CHAT: variants seen among roughly 807,000 people sequenced by gnomAD.
CHAT encodes the protein choline O-acetyltransferase, also known as acetyl CoA:choline O-acetyltransferase.
In CHAT, 61 loss-of-function variants were observed where a neutral mutation model predicts 76.9. The observed-to-expected ratio is 0.79, with a 90% confidence interval of 0.65 to 0.98. The LOEUF (loss-of-function observed/expected upper bound fraction) is 0.98. Among genes scored for constraint, CHAT ranks in the 50% least tolerant of loss-of-function variants. CHAT has a pLI of 0.00. For missense variants in CHAT, 946 were observed against 986.9 expected, an observed-to-expected ratio of 0.96 and a Z score of 0.56; for synonymous variants, 407 against 397.4, an observed-to-expected ratio of 1.02 and a Z score of -0.29.
At chr10:49,621,961 G>C (rs7091435) in intron 4 of CHAT, 136 bp from the exon 5 acceptor site, 99 of 95,264 alleles carry the variant, frequency 1.0e-3, no homozygotes, top group East Asian at 1.2e-3. Flanking sequence ...ATGAGGGAGG[G>C]AGGAGGGAGG....
At chr10:49,622,036 G>GTGA in intron 4 of CHAT, 61 bp from the exon 5 acceptor site, 1 of 1,570,980 alleles carries the variant, frequency 6.4e-7, no homozygotes, top group Non-Finnish European at 8.8e-7. Context: ...GCAGAAGGGA[G>GTGA]GGAGGGAGGG....
upstream of CHAT, among the ~76,000 whole-genome samples, chr10:49,613,592 C>T (rs1272716124): frequency 6.6e-6 from 1 of 152,188 alleles, no homozygotes; most frequent in Non-Finnish European, 1.5e-5. Context: ...CATGTCTGTC[C>T]TCGATCTGCG....
At chr10:49,625,759 C>T in intron 6 of CHAT, 106 bp downstream of exon 6, 4 of 1,217,682 alleles carry the variant, frequency 3.3e-6, no homozygotes, top group Non-Finnish European at 4.7e-6. Context: ...CCCTGAGTCA[C>T]ACAGGGAGCT....
At position 49,621,965 on chromosome 10, in the gene CHAT, AG is replaced by A. The variant is rs1478782910; in HGVS notation, c.699-129del. ...TGGCAGTGGGGATGAGGGAGGGAGG[AG>A]GGAGGGAGAAGGGAGGGAAGAGGAA... On this transcript the variant is annotated intron_variant, in intron 4 of 14. Transcript: ENST00000337653. The A allele has an allele frequency of 3.4e-6, 3 of 885,064 alleles. No individual in the cohort carries two copies. The East Asian group carries it at 7.5e-5, about 22-fold the overall frequency. 54.8% of individuals were successfully genotyped at this position (885,064 alleles called of 1,614,324 possible).
intron 4 of CHAT, among the ~76,000 whole-genome samples, chr10:49,621,037 C>T (rs772576896): frequency 6.6e-6 from 1 of 152,216 alleles, no homozygotes; most frequent in Non-Finnish European, 1.5e-5. Context: ...AGGCTGGAAA[C>T]AATTCCTCCC....
intron 8 of CHAT, among the ~76,000 whole-genome samples, 182 bp downstream of exon 8, chr10:49,646,856 T>A (rs536067274): frequency 2.4e-4 from 36 of 152,270 alleles, no homozygotes; most frequent in Admixed American, 1.0e-3. Context: ...GGGTCTGAGA[T>A]GTGCTGTTGA....
At chr10:49,652,303 G>C (rs1011310774) in intron 11 of CHAT, among the ~76,000 whole-genome samples, 2 of 152,094 alleles carry the variant, frequency 1.3e-5, no homozygotes, top group African/African-American at 4.8e-5. Context: ...CATGGTTGGG[G>C]TTGGGGGGCT....
At chr10:49,615,765 C>T (rs1045660448) in intron 1 of CHAT, 2 of 525,844 alleles carry the variant, frequency 3.8e-6, no homozygotes, top group Non-Finnish European at 6.7e-6. Flanking sequence ...ATCTGCCTCT[C>T]CCCAGACTAA....
chr10:49,664,942 C>T lies in CHAT; in HGVS notation c.2143C>T (p.Leu715Phe), dbSNP rs1369543428. ...GTTTGCAAAAGCTGTGGAAGAAAGC[C>T]TCATTGACATGAGAGACCTCTGCAG... ...SKFAKAVEES[L>F]IDMRDLCSLL... is the part of the protein sequence containing the mutation. The change falls in exon 15 of 15, where the codon CTC becomes TTC. Residue 715 changes from leucine to phenylalanine, a missense_variant. Physicochemically the swap from Leu to Phe is conservative, Grantham distance 22. This residue lies in a region of CHAT where 349 missense variants were observed against 393.9 expected (regional missense o/e 0.89). Transcript: ENST00000337653. 6.2e-7 allele frequency: 1 copy of T among 1,614,134 alleles called. No individual in the cohort carries two copies. Among genetic ancestry groups the T allele is most frequent in the African/African-American group, 1.3e-5 (1 of 74,946 alleles).
chr10:49,626,644 C>T (rs1045367074), intron 6 of CHAT, among the ~76,000 whole-genome samples: 1 of 152,198 alleles, frequency 6.6e-6, no homozygotes, highest in African/African-American at 2.4e-5. Context: ...AAGTATTTCC[C>T]AGCTCCCACA....
At chr10:49,648,733 AC>A in intron 9 of CHAT, 126 bp downstream of exon 9, 3 of 631,554 alleles carry the variant, frequency 4.8e-6, no homozygotes, top group Non-Finnish European at 8.4e-6. Context: ...CTATACACAC[AC>A]ACACACACAC....
intron 5 of CHAT, among the ~76,000 whole-genome samples, chr10:49,624,918 G>A (rs1455027324): frequency 1.1e-4 from 16 of 151,918 alleles, no homozygotes; most frequent in Admixed American, 1.1e-3. Context: ...TGGAAGGAGG[G>A]ATGGATGTTT....
intron 10 of CHAT, among the ~76,000 whole-genome samples, chr10:49,650,180 A>G (rs1244504570): frequency 1.3e-5 from 2 of 152,198 alleles, no homozygotes; most frequent in Non-Finnish European, 2.9e-5. Context: ...TCAGTAAGCA[A>G]GCACGAATGC....
chr10:49,615,451 G>A (rs1564469734), intron 1 of CHAT, among the ~76,000 whole-genome samples: 2 of 152,142 alleles, frequency 1.3e-5, no homozygotes, highest in Non-Finnish European at 2.9e-5. Flanking sequence ...TCCATCCTTG[G>A]GCCTGGTTCA....
At chr10:49,661,391 G>C (rs771471121) in intron 13 of CHAT, 1 of 152,182 alleles carries the variant, frequency 6.6e-6, no homozygotes, top group Admixed American at 6.5e-5. Flanking sequence ...TGGGCTCACC[G>C]TTCTTTCCTT....
upstream of CHAT, among the ~76,000 whole-genome samples, chr10:49,610,023 G>T (rs1006364980): frequency 4.0e-5 from 6 of 151,898 alleles, no homozygotes; most frequent in African/African-American, 1.2e-4. Flanking sequence ...AACCGCGGGC[G>T]GGGGGCAGGC....
At chr10:49,662,533 C>A in intron 13 of CHAT, 112 bp from the exon 14 acceptor site, 1 of 1,380,750 alleles carries the variant, frequency 7.2e-7, no homozygotes, top group Non-Finnish European at 1.0e-6. Flanking sequence ...ACTGGGTAAG[C>A]ATGAGCCGTG....
At chr10:49,630,964 T>C (rs1369571553) in intron 7 of CHAT, among the ~76,000 whole-genome samples, 1 of 152,130 alleles carries the variant, frequency 6.6e-6, no homozygotes, top group African/African-American at 2.4e-5. Flanking sequence ...TTGAAAAACT[T>C]GATAAGATTT....
chr10:49,664,660 C>A, intron 14 of CHAT, 117 bp from the exon 15 acceptor site: 1 of 1,222,902 alleles, frequency 8.2e-7, no homozygotes, highest in Non-Finnish European at 1.2e-6. Flanking sequence ...CTAAAGCAAT[C>A]ACTTGATTTG....
Sources: gnomAD v4.1 joint callset for allele counts (sites outside exome capture counted in the v4.1 genomes callset) on GRCh38, gnomAD v4.1.1 for gene constraint, gnomAD v4.1.1 regional missense constraint, MANE v1.5 for transcripts, NCBI Gene and HGNC (gene_info 2026-07-23, HGNC 2026-07-21) for gene names.